RBFOX1: variants seen among roughly 807,000 people sequenced by gnomAD.
The protein encoded by RBFOX1 is RNA binding fox-1 homolog 1.
In RBFOX1, 8 loss-of-function variants were observed where a neutral mutation model predicts 57.7. The observed-to-expected ratio is 0.14, with a 90% CI of 0.08 to 0.25. The LOEUF is 0.25. RBFOX1 is among the 10% of genes least tolerant of loss of function. The pLI, the probability that RBFOX1 is intolerant of heterozygous loss-of-function variation, is 1.00. For synonymous variants in RBFOX1, 326 were observed against 222.4 expected, an observed-to-expected ratio of 1.47 and a Z score of -4.15; for missense variants, 611 against 548.5, an observed-to-expected ratio of 1.11 and a Z score of -1.14.
chr16:6,656,320 A>G (rs533455089), intron 3 of RBFOX1, among the ~76,000 whole-genome samples: 5 of 152,138 alleles, frequency 3.3e-5, no homozygotes, highest in Non-Finnish European at 7.3e-5. Context: ...TAAAAATTTA[A>G]TTGCCAATAG....
chr16:6,624,574 A>G (rs963085392), intron 2 of RBFOX1, among the ~76,000 whole-genome samples: 4 of 152,116 alleles, frequency 2.6e-5, no homozygotes, highest in African/African-American at 7.2e-5. Context: ...TCTTTCCTTC[A>G]CATGATTTTT....
intron 4 of RBFOX1, among the ~76,000 whole-genome samples, chr16:7,214,483 C>A (rs1358309499): frequency 1.3e-5 from 2 of 151,974 alleles, no homozygotes; most frequent in African/African-American, 4.8e-5. Flanking sequence ...CATCCACTGC[C>A]TCCATCTCCA....
intron 4 of RBFOX1, among the ~76,000 whole-genome samples, chr16:7,178,316 C>G (rs983614466): frequency 6.6e-6 from 1 of 152,134 alleles, no homozygotes; most frequent in Non-Finnish European, 1.5e-5. Flanking sequence ...TGAGAAAAAC[C>G]AAGAGGAGAA....
chr16:5,576,128 T>G (rs1318701669), intron 2 of RBFOX1, among the ~76,000 whole-genome samples: 1 of 152,166 alleles, frequency 6.6e-6, no homozygotes, highest in Admixed American at 6.5e-5. Flanking sequence ...GGATTGCAGG[T>G]GCCTGCCACC....
intron 4 of RBFOX1, among the ~76,000 whole-genome samples, chr16:7,383,981 T>G (rs60794960): frequency 0.016 from 2,450 of 150,178 alleles, 74 homozygotes; most frequent in African/African-American, 0.057. Context: ...TTGAACCCAG[T>G]AGGTGGAGGT....
chr16:6,530,344 C>A (rs1362017728), intron 2 of RBFOX1, among the ~76,000 whole-genome samples: 1 of 152,120 alleles, frequency 6.6e-6, no homozygotes, highest in African/African-American at 2.4e-5. Context: ...TCACATAGTT[C>A]CAGCAGAAAC....
At chr16:6,520,100 A>G (rs1353263971) in intron 2 of RBFOX1, among the ~76,000 whole-genome samples, 1 of 152,186 alleles carries the variant, frequency 6.6e-6, no homozygotes, top group Non-Finnish European at 1.5e-5. Context: ...CATTCAGTGA[A>G]CTGCTTCATT....
chr16:5,973,490 C>G (rs1261755922), intron 4 of RBFOX1, among the ~76,000 whole-genome samples: 9 of 152,192 alleles, frequency 5.9e-5, no homozygotes, highest in African/African-American at 2.2e-4. Context: ...GATGCCTTCC[C>G]TAGGTCAGAG....
intron 2 of RBFOX1, among the ~76,000 whole-genome samples, chr16:6,517,675 C>CTT (rs1338214874): frequency 6.6e-6 from 1 of 152,176 alleles, no homozygotes; most frequent in Admixed American, 6.5e-5. Context: ...AAACTGGCCT[C>CTT]TTTCCTATTG....
chr16:6,800,621 A>AT (rs1437843452), intron 3 of RBFOX1, among the ~76,000 whole-genome samples: 1 of 151,998 alleles, frequency 6.6e-6, no homozygotes, highest in Non-Finnish European at 1.5e-5. Flanking sequence ...GGATACCAAC[A>AT]TTTTTTAATT....
intron 4 of RBFOX1, among the ~76,000 whole-genome samples, chr16:7,103,897 T>A (rs969410805): frequency 9.2e-5 from 14 of 152,192 alleles, no homozygotes; most frequent in African/African-American, 3.4e-4. Flanking sequence ...AACAGATGTT[T>A]CTGTTGTTTA....
chr16:7,364,198 C>A (rs80243177), intron 4 of RBFOX1, among the ~76,000 whole-genome samples: 1 of 152,160 alleles, frequency 6.6e-6, no homozygotes, highest in Non-Finnish European at 1.5e-5. Flanking sequence ...TTGTCTGTTA[C>A]ATCAGTACCT....
chr16:5,265,813 G>A (rs1380686601), intron 1 of RBFOX1, among the ~76,000 whole-genome samples: 1 of 152,172 alleles, frequency 6.6e-6, no homozygotes, highest in African/African-American at 2.4e-5. Context: ...GTGCTTTTAT[G>A]GTGGAGTTTG....
intron 1 of RBFOX1, among the ~76,000 whole-genome samples, chr16:5,411,026 T>G (rs1223254649): frequency 6.6e-6 from 1 of 152,224 alleles, no homozygotes; most frequent in Non-Finnish European, 1.5e-5. Context: ...TAAGTGCTCA[T>G]TAAATGTGAG....
intron 1 of RBFOX1, among the ~76,000 whole-genome samples, chr16:5,390,315 G>C (rs1311780307): frequency 7.0e-6 from 1 of 142,460 alleles, no homozygotes; most frequent in African/African-American, 2.6e-5. Flanking sequence ...TTTAAAGACA[G>C]TGTTGCTGTG....
chr16:5,963,561 C>A (rs2059791268), intron 4 of RBFOX1, among the ~76,000 whole-genome samples: 1 of 152,146 alleles, frequency 6.6e-6, no homozygotes, highest in Non-Finnish European at 1.5e-5. Context: ...TAAACAGACA[C>A]ATAGACCAGT....
chr16:7,597,117 T>C, intron 8 of RBFOX1: 1 of 305,686 alleles, frequency 3.3e-6, no homozygotes, highest in African/African-American at 2.2e-5. Flanking sequence ...TTGCTTTTAC[T>C]GTCCCTTTAT....
intron 2 of RBFOX1, among the ~76,000 whole-genome samples, chr16:6,592,765 T>C (rs1429373910): frequency 6.6e-6 from 1 of 152,212 alleles, no homozygotes; most frequent in East Asian, 1.9e-4. Flanking sequence ...GTAGATGAAA[T>C]AGAGGTTATT....
intron 1 of RBFOX1, among the ~76,000 whole-genome samples, chr16:6,233,507 A>C (rs1396150906): frequency 6.6e-6 from 1 of 152,100 alleles, no homozygotes; most frequent in Non-Finnish European, 1.5e-5. Flanking sequence ...TGCTCTCAGG[A>C]AGGAGACAAA....
Sources: allele counts gnomAD v4.1 joint callset (sites outside exome capture counted in the v4.1 genomes callset), GRCh38; gene constraint gnomAD v4.1.1; transcripts MANE v1.5; gene names NCBI Gene and HGNC (gene_info 2026-07-23, HGNC 2026-07-21).